RIMS1: variants seen among roughly 807,000 people sequenced by gnomAD.
RIMS1 encodes the protein regulating synaptic membrane exocytosis 1, also known as regulating synaptic membrane exocytosis protein 1.
A neutral mutation model predicts 214.1 loss-of-function variants in RIMS1; 83 were observed. That is an observed-to-expected ratio of 0.39 (90% CI 0.32 to 0.47). RIMS1 has a LOEUF of 0.47. RIMS1 is among the 20% of genes least tolerant of loss of function. The pLI is 0.99. For missense variants in RIMS1, 2,050 were observed against 2,161.8 expected (o/e 0.95, Z 1.03); for synonymous variants, 793 against 786.8 (o/e 1.01, Z -0.13).
chr6:72,368,667 C>G (rs2098123692), intron 29 of RIMS1, among the ~76,000 whole-genome samples: 1 of 152,146 alleles, frequency 6.6e-6, no homozygotes, highest in East Asian at 1.9e-4. Context: ...TCACAAAGCA[C>G]TCTGGCAGGA....
chr6:72,162,673 C>G (rs1460958171), intron 4 of RIMS1, among the ~76,000 whole-genome samples: 1 of 140,374 alleles, frequency 7.1e-6, no homozygotes, highest in African/African-American at 2.5e-5. Context: ...ATATGAAATT[C>G]TGGGTTGAAA....
intron 2 of RIMS1, among the ~76,000 whole-genome samples, chr6:72,031,233 A>G (rs894146948): frequency 3.3e-5 from 5 of 152,174 alleles, no homozygotes; most frequent in Non-Finnish European, 7.4e-5. Context: ...AAGTGCTAAA[A>G]GAAGAGATAT....
chr6:72,009,004 A>G (rs1809102017), intron 2 of RIMS1, among the ~76,000 whole-genome samples: 1 of 152,308 alleles, frequency 6.6e-6, no homozygotes, highest in South Asian at 2.1e-4. Flanking sequence ...TCTCCACCCC[A>G]AATCAACAGA....
chr6:71,895,471 T>C (rs1771387393), intron 1 of RIMS1, among the ~76,000 whole-genome samples: 2 of 151,966 alleles, frequency 1.3e-5, no homozygotes, highest in Admixed American at 1.3e-4. Flanking sequence ...GGTCAGGAGT[T>C]TGAGACCAGA....
chr6:72,044,639 A>C (rs1359620470), intron 2 of RIMS1, among the ~76,000 whole-genome samples: 2 of 151,890 alleles, frequency 1.3e-5, no homozygotes, highest in African/African-American at 4.8e-5. Context: ...GAGAAATACA[A>C]ATCAAAACCA....
chr6:71,903,148 T>G (rs1166911001), intron 1 of RIMS1, among the ~76,000 whole-genome samples: 2 of 152,150 alleles, frequency 1.3e-5, no homozygotes, highest in Admixed American at 6.6e-5. Context: ...CCACCAACAG[T>G]GTAGAAGCAT....
chr6:72,068,130 A>G (rs1353815420), intron 2 of RIMS1, among the ~76,000 whole-genome samples: 1 of 151,644 alleles, frequency 6.6e-6, no homozygotes, highest in South Asian at 2.1e-4. Flanking sequence ...AGAAGAAAAA[A>G]ACATCCCACA....
At chr6:71,971,210 G>A (rs9351882) in intron 2 of RIMS1, among the ~76,000 whole-genome samples, 7,580 of 152,194 alleles carry the variant, frequency 0.05, 328 homozygotes, top group East Asian at 0.19. Flanking sequence ...TTTATCAGTG[G>A]ATGTGTGTGT....
At chr6:72,252,471 C>T (rs1287909117) in intron 15 of RIMS1, among the ~76,000 whole-genome samples, 3 of 152,094 alleles carry the variant, frequency 2.0e-5, no homozygotes, top group African/African-American at 4.8e-5. Context: ...ATATACTGTG[C>T]TGAAGGCTTT....
At chr6:72,238,472 C>G (rs1417961647) in intron 9 of RIMS1, among the ~76,000 whole-genome samples, 3 of 151,816 alleles carry the variant, frequency 2.0e-5, no homozygotes, top group Non-Finnish European at 1.5e-5. Context: ...TGTGCTAATT[C>G]TTGGTATTTA....
chr6:71,984,747 A>G (rs908114585), intron 2 of RIMS1, among the ~76,000 whole-genome samples: 1 of 49,082 alleles, frequency 2.0e-5, no homozygotes, highest in African/African-American at 6.6e-5. Context: ...CCATCTGTGT[A>G]TGTATGTATG....
chr6:72,037,211 C>T (rs953912403), intron 2 of RIMS1, among the ~76,000 whole-genome samples: 2 of 151,470 alleles, frequency 1.3e-5, no homozygotes, highest in African/African-American at 2.4e-5. Context: ...TTTAGCAGCT[C>T]GTGGGTGGGT....
chr6:72,313,766 A>G (rs2095628569), intron 28 of RIMS1, 94 bp downstream of exon 28: 2 of 1,266,760 alleles, frequency 1.6e-6, no homozygotes, highest in African/African-American at 3.0e-5. Flanking sequence ...AATACAGTTT[A>G]GGTCACAGTG....
chr6:71,959,950 A>C (rs547099190), intron 1 of RIMS1, among the ~76,000 whole-genome samples: 2 of 152,234 alleles, frequency 1.3e-5, no homozygotes, highest in African/African-American at 4.8e-5. Flanking sequence ...ATGTGACATG[A>C]CCAAAAGCAT....
chr6:72,195,931 A>G (rs544971688), intron 6 of RIMS1, among the ~76,000 whole-genome samples: 11 of 152,166 alleles, frequency 7.2e-5, no homozygotes, highest in Middle Eastern at 3.4e-3. Flanking sequence ...TGAAGGAGGA[A>G]CTGTCAGATA....
intron 2 of RIMS1, among the ~76,000 whole-genome samples, chr6:72,024,276 T>C (rs556331932): frequency 5.9e-5 from 9 of 152,284 alleles, no homozygotes; most frequent in Middle Eastern, 3.4e-3. Context: ...AGGGTTTCTC[T>C]ACAAATTCTC....
chr6:72,172,414 T>C (rs1387187227), intron 4 of RIMS1, among the ~76,000 whole-genome samples: 1 of 152,162 alleles, frequency 6.6e-6, no homozygotes, highest in Non-Finnish European at 1.5e-5. Flanking sequence ...ACTTTGTCTA[T>C]TCATGAGAGA....
At chr6:71,887,346 G>A (rs1315931857) in intron 1 of RIMS1, among the ~76,000 whole-genome samples, 159 bp downstream of exon 1, 1 of 152,196 alleles carries the variant, frequency 6.6e-6, no homozygotes, top group Admixed American at 6.5e-5. Context: ...CGGGGCTTGA[G>A]CAGGGAAGAG....
At chr6:71,951,478 C>CTTTTTTCTTTTTCT (rs1789500024) in intron 1 of RIMS1, among the ~76,000 whole-genome samples, 1 of 128,858 alleles carries the variant, frequency 7.8e-6, no homozygotes, top group African/African-American at 3.0e-5. Context: ...TTTTCTTTTT[C>CTTTTTTCTTTTTCT]TTTTTTTTTT....
Sources: gnomAD v4.1 joint callset for allele counts (sites outside exome capture counted in the v4.1 genomes callset) on GRCh38, gnomAD v4.1.1 for gene constraint, MANE v1.5 for transcripts, NCBI Gene and HGNC (gene_info 2026-07-23, HGNC 2026-07-21) for gene names.